Variants in PRKRA observed in about 807,000 individuals in gnomAD.
The protein encoded by PRKRA is interferon-inducible double-stranded RNA-dependent protein kinase activator A.
A neutral mutation model predicts 32.4 loss-of-function variants in PRKRA; 22 were observed. That is an observed-to-expected ratio of 0.68 (90% confidence interval 0.49 to 0.97). The LOEUF (loss-of-function observed/expected upper bound fraction) is 0.97. Ranked by LOEUF, PRKRA falls within the 50% of genes least tolerant of loss-of-function variation. PRKRA has a pLI of 0.00. For synonymous variants in PRKRA, 139 were observed against 129.8 expected (o/e 1.07, Z -0.48); for missense variants, 319 against 375.6 (o/e 0.85, Z 1.25).
At chr2:178,434,610 C>T (rs1229048243) in intron 7 of PRKRA, among the ~76,000 whole-genome samples, 1 of 151,992 alleles carries the variant, frequency 6.6e-6, no homozygotes, top group Non-Finnish European at 1.5e-5. Flanking sequence ...CCTTTTCTAA[C>T]CATCTGTCTG....
rs548451433 is a variant in PRKRA, at chr2:178,444,325, T to C, written c.396+97A>G. 2.6e-4 allele frequency: 220 copies of C among 845,254 alleles called. 1 individual carries two copies. The African/African-American group carries it at 3.4e-3, about 13-fold the overall frequency. 52.4% of individuals were successfully genotyped at this position (845,254 alleles called of 1,614,324 possible). ...TAAGTTGGAAAACAAAATATATCAC[T>C]ATCTTGTCTTTAAAATATTAATTCC... On this transcript the variant is annotated intron_variant, in intron 4 of 7. Transcript: ENST00000325748.
chr2:178,443,446 TTTC>T lies in PRKRA; in HGVS notation c.397-65_397-63del, dbSNP rs1365775937. On this transcript the variant is annotated intron_variant, in intron 4 of 7. Transcript: ENST00000325748. ...TGCAATGGCTCAATCACATAAGTGT[TTTC>T]TTAATTTTGATCCCATTTCTATGTA... is the stretch of plus-strand genomic sequence containing the variant. 7 of 781,744 alleles carry T rather than the reference TTTC, an allele frequency of 9.0e-6. No individual in the cohort carries two copies. In the Admixed American group the frequency reaches 1.3e-4, roughly 14 times the overall value. The allele number at this position is 781,744 out of a possible 1,614,324, so 48.4% of individuals were successfully genotyped here. A position where few individuals can be genotyped will look rare whatever the true frequency, so the allele number is the denominator to read the frequency against.
At chr2:178,450,142 A>C (rs1233221155) in intron 2 of PRKRA, 100 bp downstream of exon 2, 3 of 1,235,438 alleles carry the variant, frequency 2.4e-6, no homozygotes, top group Non-Finnish European at 3.3e-6. Context: ...CCTGTTCCTC[A>C]CAGCTGTCTG....
chr2:178,444,294 T>C lies in PRKRA; in HGVS notation c.396+128A>G. ...TTTCAAGTTAGCTCTGTTAATCTAATGATCGTAAGTTGGAAAACAAAATAT... is the reference window on the plus strand; with the variant it reads ...TTTCAAGTTAGCTCTGTTAATCTAACGATCGTAAGTTGGAAAACAAAATAT... On this transcript the variant is annotated intron_variant, in intron 4 of 7. Transcript: ENST00000325748. 4 of 787,316 alleles carry C rather than the reference T, an allele frequency of 5.1e-6. No homozygotes were observed. The South Asian group carries it at 6.4e-5, about 13-fold the overall frequency. 48.8% of individuals were successfully genotyped at this position (787,316 alleles called of 1,614,324 possible).
rs1697362113 is a variant in PRKRA, at chr2:178,447,413, C to T, written c.317+92G>A. On this transcript the variant is annotated intron_variant, in intron 3 of 7. Transcript: ENST00000325748. The stretch of plus-strand genomic sequence containing the variant: ...GAGAGGTAGGATGCTAACAACTGTT[C>T]ACTTTGTTGCTTTTGTAAGCATGTT... 3 of 1,346,784 alleles carry T rather than the reference C, an allele frequency of 2.2e-6. No individual in the cohort carries two copies. In the Admixed American group the frequency reaches 6.8e-5, roughly 31 times the overall value. The allele number at this position is 1,346,784 out of a possible 1,614,324, so 83.4% of individuals were successfully genotyped here.
Position 178,431,873 on chromosome 2 carries a change from CTT to C in PRKRA, c.*222_*223del, listed in dbSNP as rs879678948. 1.0e-5 allele frequency: 6 copies of C among 597,560 alleles called. No homozygotes were observed. Among genetic ancestry groups the C allele is most frequent in the South Asian group, 4.0e-5 (2 of 49,762 alleles). 37.0% of individuals were successfully genotyped at this position (597,560 alleles called of 1,614,324 possible). On this transcript the variant is annotated 3_prime_UTR_variant, in exon 8 of 8. Coordinates refer to ENST00000325748, the MANE Select transcript of PRKRA (RefSeq NM_003690.5). ...CTGTAAAATGGGTGCTACACTCTCTCTTGTGGTACAAAGTTTATAAATACAGT... is the reference window on the plus strand; with the variant it reads ...CTGTAAAATGGGTGCTACACTCTCTCGTGGTACAAAGTTTATAAATACAGT...
chr2:178,439,574 T>C (rs1295826643), intron 6 of PRKRA: 4 of 152,232 alleles, frequency 2.6e-5, no homozygotes, highest in Admixed American at 1.3e-4. Flanking sequence ...TCTCCTCTTA[T>C]TTCCAACTTC....
chr2:178,442,925 G>C (rs1697170599), intron 5 of PRKRA, among the ~76,000 whole-genome samples: 1 of 151,994 alleles, frequency 6.6e-6, no homozygotes. Flanking sequence ...CTATTTTCTA[G>C]ATAGAATAGC....
intron 5 of PRKRA, among the ~76,000 whole-genome samples, chr2:178,442,364 T>G (rs760028761): frequency 7.2e-5 from 11 of 152,196 alleles, no homozygotes; most frequent in Non-Finnish European, 1.5e-4. Context: ...TTATAACTCC[T>G]CTCTCTCAAT....
At chr2:178,436,362 G>C in intron 6 of PRKRA, 43 bp from the exon 7 acceptor site, 2 of 1,068,172 alleles carry the variant, frequency 1.9e-6, no homozygotes, top group Non-Finnish European at 2.5e-6. Flanking sequence ...ACTAGGACTG[G>C]GTTCCAACAC....
chr2:178,436,002 G>T, intron 7 of PRKRA, 143 bp downstream of exon 7: 1 of 684,946 alleles, frequency 1.5e-6, no homozygotes, highest in Non-Finnish European at 2.4e-6. Context: ...TATATTACTG[G>T]CCTAGTAATT....
chr2:178,431,897 C>T lies in PRKRA; in HGVS notation c.*200G>A, dbSNP rs141995027. The T allele has an allele frequency of 0.02, 13,454 of 665,466 alleles. No homozygotes were observed. Among genetic ancestry groups the T allele is most frequent in the Middle Eastern group, 0.026 (60 of 2,332 alleles). 41.2% of individuals were successfully genotyped at this position (665,466 alleles called of 1,614,324 possible). Reference sequence around the variant, plus strand: ...TCTTGTGGTACAAAGTTTATAAATACAGTATACTGATACAAAGTTGAAGCC... The same window carrying T: ...TCTTGTGGTACAAAGTTTATAAATATAGTATACTGATACAAAGTTGAAGCC... On this transcript the variant is annotated 3_prime_UTR_variant, in exon 8 of 8. Transcript: ENST00000325748.
At chr2:178,439,963 T>G (rs1296053334) in intron 6 of PRKRA, 1 of 152,184 alleles carries the variant, frequency 6.6e-6, no homozygotes, top group Non-Finnish European at 1.5e-5. Flanking sequence ...CATATTGATC[T>G]GTAATTTTTT....
intron 5 of PRKRA, among the ~76,000 whole-genome samples, chr2:178,442,520 G>A (rs77696539): frequency 2.0e-3 from 304 of 152,260 alleles, no homozygotes; most frequent in Non-Finnish European, 3.3e-3. Context: ...TTAAAAAACT[G>A]AGGTCCAGAG....
intron 5 of PRKRA, 73 bp from the exon 6 acceptor site, chr2:178,441,777 G>A (rs1697124578): frequency 3.1e-6 from 3 of 968,300 alleles, no homozygotes; most frequent in South Asian, 3.2e-5. Flanking sequence ...AACGTATGAA[G>A]TACTGTGTTT....
intron 1 of PRKRA, chr2:178,450,672 C>T: frequency 7.0e-7 from 1 of 1,424,796 alleles, no homozygotes; most frequent in East Asian, 2.5e-5. Context: ...CAGAACAGGG[C>T]TGGCAGCAGC....
chr2:178,450,924 C>T (rs767322231), intron 1 of PRKRA, 42 bp downstream of exon 1: 1 of 1,120,886 alleles, frequency 8.9e-7, no homozygotes, highest in Admixed American at 4.0e-5. Flanking sequence ...CCCTGCCGCC[C>T]AACGCTCCCG....
At chr2:178,447,415 C>T in intron 3 of PRKRA, 90 bp downstream of exon 3, 3 of 1,346,064 alleles carry the variant, frequency 2.2e-6, no homozygotes, top group South Asian at 1.4e-5. Flanking sequence ...CAACTGTTCA[C>T]TTTGTTGCTT....
chr2:178,445,223 G>A (rs918237410), intron 3 of PRKRA, among the ~76,000 whole-genome samples: 1 of 152,202 alleles, frequency 6.6e-6, no homozygotes, highest in African/African-American at 2.4e-5. Flanking sequence ...CTCTTCTAGG[G>A]AGTCTGGAAT....
Sources: allele counts gnomAD v4.1 joint callset (sites outside exome capture counted in the v4.1 genomes callset), GRCh38; gene constraint gnomAD v4.1.1; transcripts MANE v1.5; gene names NCBI Gene and HGNC (gene_info 2026-07-23, HGNC 2026-07-21).